The following NBEA variants were observed in gnomAD, a reference collection of about 807,000 sequenced individuals.
NBEA encodes neurobeachin, also known as lysosomal-trafficking regulator 2.
Under a neutral mutation model 343.4 loss-of-function variants are expected in NBEA, and 44 were observed. That is an observed-to-expected ratio of 0.13 (90% CI 0.10 to 0.16). The LOEUF (loss-of-function observed/expected upper bound fraction) is 0.16. NBEA is among the 10% of genes least tolerant of loss of function. NBEA has a pLI of 1.00. For missense variants in NBEA, 2,555 were observed against 3,631.3 expected (o/e 0.70, Z 7.62); for synonymous variants, 1,175 against 1,238.7 (o/e 0.95, Z 1.08).
At chr13:35,370,772 T>G (rs2152883247) in intron 38 of NBEA, among the ~76,000 whole-genome samples, 1 of 152,252 alleles carries the variant, frequency 6.6e-6, no homozygotes, top group South Asian at 2.1e-4. Context: ...CTTCCAAGTA[T>G]AGGACTCCCT....
At chr13:35,561,928 G>A (rs987783708) in intron 44 of NBEA, among the ~76,000 whole-genome samples, 1 of 151,952 alleles carries the variant, frequency 6.6e-6, no homozygotes, top group African/African-American at 2.4e-5. Flanking sequence ...TAAATTTAAT[G>A]AATGTTCATT....
At chr13:35,391,449 G>C (rs1306203729) in intron 38 of NBEA, among the ~76,000 whole-genome samples, 1 of 152,064 alleles carries the variant, frequency 6.6e-6, no homozygotes, top group Admixed American at 6.6e-5. Context: ...AGATATAAAA[G>C]AAGTTATTTA....
intron 1 of NBEA, among the ~76,000 whole-genome samples, chr13:35,038,303 G>A (rs1387268371): frequency 6.6e-6 from 1 of 152,030 alleles, no homozygotes; most frequent in Admixed American, 6.6e-5. Flanking sequence ...TAGAAATGCT[G>A]TCCAATAGTC....
At chr13:35,541,389 GTTAAA>G (rs1175806465) in intron 41 of NBEA, among the ~76,000 whole-genome samples, 44 of 151,974 alleles carry the variant, frequency 2.9e-4, no homozygotes, top group Non-Finnish European at 1.2e-4. Context: ...ATAAATATTT[GTTAAA>G]TTAAAGGAAC....
At chr13:35,408,552 A>G (rs2152914431) in intron 38 of NBEA, among the ~76,000 whole-genome samples, 1 of 152,348 alleles carries the variant, frequency 6.6e-6, no homozygotes, top group African/African-American at 2.4e-5. Flanking sequence ...AGAAAATATC[A>G]ATAGACTAAA....
intron 44 of NBEA, among the ~76,000 whole-genome samples, chr13:35,556,461 A>T (rs983218099): frequency 6.6e-6 from 1 of 151,984 alleles, no homozygotes; most frequent in Admixed American, 6.6e-5. Flanking sequence ...ATATGTTTAC[A>T]TCTGTTTTAA....
At chr13:35,448,372 C>T (rs1227134784) in intron 39 of NBEA, among the ~76,000 whole-genome samples, 36 of 152,102 alleles carry the variant, frequency 2.4e-4, no homozygotes. Flanking sequence ...CACTTAAAGG[C>T]TTTTTTGACT....
chr13:35,643,949 A>C (rs1278304586), intron 49 of NBEA, among the ~76,000 whole-genome samples: 1 of 152,220 alleles, frequency 6.6e-6, no homozygotes, highest in Non-Finnish European at 1.5e-5. Context: ...CATGGGGAGC[A>C]GGTGAAGAAA....
chr13:35,098,504 T>G (rs1047798000), intron 11 of NBEA, 99 bp downstream of exon 11: 1 of 797,318 alleles, frequency 1.3e-6, no homozygotes, highest in African/African-American at 1.7e-5. Context: ...CCATTGACTG[T>G]GTAGAGATTA....
intron 26 of NBEA, 61 bp downstream of exon 26, chr13:35,171,513 C>A: frequency 7.7e-7 from 1 of 1,297,432 alleles, no homozygotes; most frequent in South Asian, 1.7e-5. Flanking sequence ...CTTTATAAAG[C>A]ACTATGGTAC....
Position 35,260,956 on chromosome 13 carries a change from C to T in NBEA, c.5776+28337C>T, listed in dbSNP as rs188578580. On this transcript the variant is annotated intron_variant, in intron 34 of 58. Coordinates refer to ENST00000379939, the MANE Select transcript of NBEA (RefSeq NM_001385012.1). The stretch of plus-strand genomic sequence containing the variant: ...CTAAAAGTATCTTCAAAATAGGCCT[C>T]AAATGACCAAATTGTTTCGCCAGTA... Among the ~76,000 whole-genome samples, 338 of 152,226 alleles carry T rather than the reference C, an allele frequency of 2.2e-3. 2 individuals carry two copies. The highest frequency in any genetic ancestry group is 6.8e-3 in the Middle Eastern group (2 of 294).
chr13:35,363,841 A>G (rs1306269615), intron 38 of NBEA, among the ~76,000 whole-genome samples: 1 of 151,990 alleles, frequency 6.6e-6, no homozygotes, highest in Non-Finnish European at 1.5e-5. Flanking sequence ...TCTAATGAAC[A>G]GAAAACATAA....
chr13:35,569,333 C>G (rs1245516215), intron 45 of NBEA, among the ~76,000 whole-genome samples: 1 of 152,098 alleles, frequency 6.6e-6, no homozygotes, highest in African/African-American at 2.4e-5. Flanking sequence ...TTTTATTTAA[C>G]ATAAATTGAA....
intron 36 of NBEA, among the ~76,000 whole-genome samples, chr13:35,344,390 G>A (rs1328672246): frequency 2.0e-5 from 3 of 151,776 alleles, no homozygotes; most frequent in Non-Finnish European, 4.4e-5. Flanking sequence ...CCTTCACAAA[G>A]TAGAAGAAAG....
intron 17 of NBEA, among the ~76,000 whole-genome samples, chr13:35,134,540 G>C (rs1490289193): frequency 6.6e-6 from 1 of 151,760 alleles, no homozygotes; most frequent in Non-Finnish European, 1.5e-5. Context: ...ATCCTTTAGA[G>C]AATAGAAGAA....
chr13:35,150,885 G>A (rs1429750303), intron 18 of NBEA, among the ~76,000 whole-genome samples: 7 of 151,762 alleles, frequency 4.6e-5, no homozygotes, highest in Middle Eastern at 3.4e-3. Context: ...GAAGGCTGAG[G>A]TGGGTGGATC....
intron 1 of NBEA, among the ~76,000 whole-genome samples, chr13:34,980,334 A>G (rs1293214266): frequency 6.6e-6 from 1 of 151,998 alleles, no homozygotes; most frequent in Non-Finnish European, 1.5e-5. Context: ...TCAAATCATT[A>G]GTATCATGTA....
chr13:35,223,857 G>T (rs536487642), intron 33 of NBEA, among the ~76,000 whole-genome samples: 1 of 152,116 alleles, frequency 6.6e-6, no homozygotes, highest in East Asian at 1.9e-4. Flanking sequence ...GGTCACACTG[G>T]GCTAAAATGC....
chr13:35,041,308 T>TA, intron 2 of NBEA, 144 bp downstream of exon 2: 1 of 722,108 alleles, frequency 1.4e-6, no homozygotes, highest in Non-Finnish European at 2.2e-6. Flanking sequence ...TTACTTTTTA[T>TA]ATTAATGGAA....
Sources: gnomAD v4.1 joint callset for allele counts (sites outside exome capture counted in the v4.1 genomes callset) on GRCh38, gnomAD v4.1.1 for gene constraint, MANE v1.5 for transcripts, NCBI Gene and HGNC (gene_info 2026-07-23, HGNC 2026-07-21) for gene names.